SPATA9: variants seen among roughly 807,000 people sequenced by gnomAD.
SPATA9 encodes the protein spermatogenesis-associated protein 9.
Under a neutral mutation model 25.5 loss-of-function variants are expected in SPATA9, and 27 were observed. The ratio of observed to expected loss-of-function variants is 1.06; its 90% CI spans 0.78 to 1.46. The LOEUF (loss-of-function observed/expected upper bound fraction) is 1.46, where lower values mean the gene tolerates loss of function less well. Ranked by LOEUF, SPATA9 falls within the 40% of genes most tolerant of loss-of-function variation. The pLI is 0.00. For missense variants in SPATA9, 282 were observed against 297.5 expected (o/e 0.95, Z 0.38); for synonymous variants, 102 against 105.7 (o/e 0.97, Z 0.21).
At chr5:95,726,966 T>C in the SPATA9 span, among the ~76,000 whole-genome samples, 7 of 141,948 alleles carry the variant, frequency 4.9e-5, no homozygotes, top group Non-Finnish European at 9.6e-5. Context: ...GTTTCCCCCC[T>C]TTTTTTTTTC....
At chr5:95,673,978 G>C (rs1752668516) in intron 3 of SPATA9, among the ~76,000 whole-genome samples, 1 of 151,980 alleles carries the variant, frequency 6.6e-6, no homozygotes, top group Admixed American at 6.6e-5. Context: ...GAGCTCAAAG[G>C]ATCCGCCCGC....
chr5:95,710,715 G>C, the SPATA9 span, among the ~76,000 whole-genome samples: 1 of 152,176 alleles, frequency 6.6e-6, no homozygotes, highest in South Asian at 2.1e-4. Context: ...GTTCTTCTGT[G>C]TCTGTCCAAA....
chr5:95,674,560 G>A (rs188867913), intron 3 of SPATA9: 60 of 274,352 alleles, frequency 2.2e-4, no homozygotes, highest in African/African-American at 1.3e-3. Flanking sequence ...TTATAGCCAA[G>A]GAACAGCTGC....
At chr5:95,725,054 A>G in the SPATA9 span, among the ~76,000 whole-genome samples, 1 of 152,048 alleles carries the variant, frequency 6.6e-6, no homozygotes, top group African/African-American at 2.4e-5. Context: ...TACACATGCC[A>G]TGTGACCTAG....
chr5:95,689,937 A>C (rs1382157286), intron 1 of SPATA9, among the ~76,000 whole-genome samples: 8 of 152,246 alleles, frequency 5.3e-5, no homozygotes, highest in Admixed American at 5.2e-4. Flanking sequence ...ATGCAGGAAC[A>C]GTAAACCAAA....
At chr5:95,726,857 G>A in the SPATA9 span, among the ~76,000 whole-genome samples, 1 of 152,130 alleles carries the variant, frequency 6.6e-6, no homozygotes, top group African/African-American at 2.4e-5. Flanking sequence ...GTATCCTATT[G>A]CTGCCATGCC....
chr5:95,659,250 A>G (rs1463424106), intron 4 of SPATA9: 10 of 196,168 alleles, frequency 5.1e-5, no homozygotes, highest in Non-Finnish European at 1.0e-4. Flanking sequence ...GTCCTCAAAC[A>G]TGGTTTTTCT....
At chr5:95,655,162 T>C, downstream of SPATA9, among the ~76,000 whole-genome samples, 1 of 152,200 alleles carries the variant, frequency 6.6e-6, no homozygotes, top group Non-Finnish European at 1.5e-5. Flanking sequence ...TGTGTGTTTA[T>C]TTTTTCTATT....
intron 4 of SPATA9, chr5:95,659,262 A>G: frequency 5.3e-6 from 1 of 187,078 alleles, no homozygotes; most frequent in Admixed American, 5.5e-5. Flanking sequence ...GGTTTTTCTC[A>G]AAGTAGTTTT....
upstream of SPATA9, among the ~76,000 whole-genome samples, chr5:95,684,401 T>C (rs984237850): frequency 6.6e-6 from 1 of 152,202 alleles, no homozygotes; most frequent in African/African-American, 2.4e-5. Flanking sequence ...TTTTATCCAC[T>C]GATTCCAATG....
At chr5:95,703,582 C>A (rs1055876523), upstream of SPATA9, among the ~76,000 whole-genome samples, 4 of 151,420 alleles carry the variant, frequency 2.6e-5, no homozygotes, top group South Asian at 6.2e-4. Flanking sequence ...TGCAGTGGGC[C>A]GAGATTGCAC....
chr5:95,699,945 T>G (rs1201291338), upstream of SPATA9, among the ~76,000 whole-genome samples: 3 of 152,086 alleles, frequency 2.0e-5, no homozygotes, highest in African/African-American at 4.8e-5. Context: ...TAGTAACGAG[T>G]TGGAGTTTGA....
At chr5:95,655,953 T>A, downstream of SPATA9, 1 of 1,235,620 alleles carries the variant, frequency 8.1e-7, no homozygotes, top group Non-Finnish European at 1.1e-6. Flanking sequence ...GCTAACCTGT[T>A]TTTTTAACCT....
chr5:95,663,996 A>C lies in SPATA9; in HGVS notation c.431T>G (p.Leu144Ter), dbSNP rs141714191. Reference protein sequence around the residue: ...EIISFPAKTALTSIIYASYAA... With the variant: ...EIISFPAKTA The stretch of plus-strand genomic sequence containing the variant: ...ATATGAAGCATATATTATGCTAGTT[A>C]AAGCAGTCTTTGCTGGAAAGGAGAT... The change falls in exon 4 of 5, where the codon TTA (leucine) becomes TGA (stop). Residue 144 changes from leucine (L) to a stop codon, truncating the protein, a stop_gained. Coordinates refer to ENST00000274432, the MANE Select transcript of SPATA9 (RefSeq NM_031952.4). LOFTEE classifies it high-confidence loss of function. 17 of 1,599,770 alleles carry C rather than the reference A, an allele frequency of 1.1e-5. 1 individual carries two copies. Among genetic ancestry groups the C allele is most frequent in the Non-Finnish European group, 8.5e-7 (1 of 1,171,542 alleles).
chr5:95,700,282 C>T (rs995201526), upstream of SPATA9, among the ~76,000 whole-genome samples: 3 of 151,956 alleles, frequency 2.0e-5, no homozygotes, highest in Non-Finnish European at 4.4e-5. Flanking sequence ...CAGTTTCCCC[C>T]AATAACTACA....
At chr5:95,714,350 G>C in the SPATA9 span, among the ~76,000 whole-genome samples, 1 of 152,282 alleles carries the variant, frequency 6.6e-6, no homozygotes, top group South Asian at 2.1e-4. Context: ...AGCAAGAGGA[G>C]AGAAAAGAGT....
intron 3 of SPATA9, chr5:95,674,640 C>T: frequency 2.9e-6 from 1 of 342,974 alleles, no homozygotes; most frequent in South Asian, 2.3e-5. Context: ...AGAACCAAGA[C>T]ACTGAGCAAA....
At chr5:95,722,330 A>C in the SPATA9 span, among the ~76,000 whole-genome samples, 2 of 152,218 alleles carry the variant, frequency 1.3e-5, no homozygotes, top group African/African-American at 4.8e-5. Flanking sequence ...ATACCAGCAA[A>C]GTATTATACC....
the SPATA9 span, chr5:95,717,409 A>T: frequency 1.3e-5 from 2 of 152,162 alleles, no homozygotes; most frequent in Non-Finnish European, 2.9e-5. Flanking sequence ...ATATGTGTGC[A>T]TATGTGTGTG....
Sources: allele counts gnomAD v4.1 joint callset (sites outside exome capture counted in the v4.1 genomes callset), GRCh38; gene constraint gnomAD v4.1.1; transcripts MANE v1.5; gene names NCBI Gene and HGNC (gene_info 2026-07-23, HGNC 2026-07-21).